Variants in PCDHGA4 observed in about 807,000 individuals in gnomAD.
PCDHGA4 encodes protocadherin gamma subfamily A, 4.
In PCDHGA4, 38 loss-of-function variants were observed where a neutral mutation model predicts 54.6. That is an observed-to-expected ratio of 0.70 (90% CI 0.54 to 0.91). PCDHGA4 has a LOEUF of 0.91. Ranked by LOEUF, PCDHGA4 falls within the 40% of genes least tolerant of loss-of-function variation. The pLI, the probability that PCDHGA4 is intolerant of heterozygous loss-of-function variation, is 0.00. For missense variants in PCDHGA4, 1,298 were observed against 1,220.9 expected (o/e 1.06, Z -0.94); for synonymous variants, 511 against 512.9 (o/e 1.00, Z 0.05).
At chr5:141,376,472 T>C (rs1561574117) in intron 1 of PCDHGA4, 1 of 1,614,108 alleles carries the variant, frequency 6.2e-7, no homozygotes, top group Non-Finnish European at 8.5e-7. Context: ...AACTCAGGAT[T>C]TACTTGAAAC....
chr5:141,394,996 C>T (rs1331251272), intron 1 of PCDHGA4: 1 of 1,613,916 alleles, frequency 6.2e-7, no homozygotes, highest in African/African-American at 1.3e-5. Flanking sequence ...CTCCAGGATT[C>T]CGGTGGCAGA....
At chr5:141,371,572 A>T in intron 1 of PCDHGA4, 1 of 1,613,960 alleles carries the variant, frequency 6.2e-7, no homozygotes, top group Non-Finnish European at 8.5e-7. Context: ...TTCCCCTTTA[A>T]AATCGTTCAA....
At chr5:141,446,132 TA>T (rs1252851903) in intron 1 of PCDHGA4, among the ~76,000 whole-genome samples, 1 of 152,204 alleles carries the variant, frequency 6.6e-6, no homozygotes, top group African/African-American at 2.4e-5. Context: ...CAATAAGACT[TA>T]ATAATGGAAT....
At chr5:141,387,791 A>T in intron 1 of PCDHGA4, 1 of 1,492,120 alleles carries the variant, frequency 6.7e-7, no homozygotes, top group Non-Finnish European at 8.9e-7. Context: ...AACTGCAACT[A>T]AAGTCCGTTC....
intron 1 of PCDHGA4, chr5:141,421,126 T>G: frequency 1.2e-6 from 1 of 805,588 alleles, no homozygotes; most frequent in Non-Finnish European, 1.9e-6. Context: ...CTTCGCTTTC[T>G]GATATATTTT....
chr5:141,421,071 A>G (rs1197006989), intron 1 of PCDHGA4: 1 of 608,760 alleles, frequency 1.6e-6, no homozygotes, highest in East Asian at 2.9e-5. Flanking sequence ...GCGGAATGAG[A>G]TGGATACTCA....
rs1053132512 is a variant in PCDHGA4 at position 141,409,714 on chromosome 5, C to A, written c.2514+52093C>A. The A allele has an allele frequency of 3.7e-6, 6 of 1,613,108 alleles. No individual in the cohort carries two copies. The African/African-American group carries it at 8.0e-5, about 22-fold the overall frequency. On this transcript the variant is annotated intron_variant, in intron 1 of 3. Transcript: ENST00000571252. ...TAGAGCCCCTGGCGGTGTCGTCATACGTGTCAGTGAGCGCGCAGAGCGGGG... is the reference window on the plus strand; with the variant it reads ...TAGAGCCCCTGGCGGTGTCGTCATAAGTGTCAGTGAGCGCGCAGAGCGGGG...
intron 1 of PCDHGA4, chr5:141,389,352 A>G (rs758141313): frequency 7.4e-6 from 12 of 1,613,628 alleles, no homozygotes; most frequent in Admixed American, 1.7e-5. Flanking sequence ...TTACTGCATC[A>G]TGGCCAGTGA....
chr5:141,423,071 C>T, intron 1 of PCDHGA4: 2 of 1,614,120 alleles, frequency 1.2e-6, no homozygotes, highest in South Asian at 1.1e-5. Flanking sequence ...GCCAGCGAGC[C>T]GGGACTCTTC....
At chr5:141,377,587 C>A (rs1272601199) in intron 1 of PCDHGA4, 2 of 147,530 alleles carry the variant, frequency 1.4e-5, no homozygotes, top group African/African-American at 5.1e-5. Flanking sequence ...CAGAATGAGA[C>A]TTTTTCTCTC....
Position 141,431,599 on chromosome 5 carries a change from C to T in PCDHGA4, c.2515-63208C>T. On this transcript the variant is annotated intron_variant, in intron 1 of 3. Transcript: ENST00000571252. The surrounding 1 kb of genome is among the most constrained non-coding windows in gnomAD (Gnocchi z 4.8). ...GAGTCAATGCGGAAGTGAGGTATTC[C>T]TTCCGGTATGTGGACGACAAGGCGG... 1 of 1,614,194 alleles carries T rather than the reference C, an allele frequency of 6.2e-7. No individual in the cohort carries two copies. The highest frequency in any genetic ancestry group is 8.5e-7 in the Non-Finnish European group (1 of 1,180,034).
chr5:141,391,176 T>C (rs562307508), intron 1 of PCDHGA4: 1 of 152,322 alleles, frequency 6.6e-6, no homozygotes, highest in African/African-American at 2.4e-5. Context: ...ACTGCCAATC[T>C]GGTGTGCATA....
At chr5:141,398,121 A>C (rs554777335) in intron 1 of PCDHGA4, 28 of 1,590,306 alleles carry the variant, frequency 1.8e-5, no homozygotes, top group Admixed American at 3.6e-5. Context: ...TGAGGAGAGC[A>C]AGAGGGATGG....
At chr5:141,367,537 A>AAAGT (rs373624904) in intron 1 of PCDHGA4, 2,027 of 147,518 alleles carry the variant, frequency 0.014, 47 homozygotes, top group African/African-American at 0.049. Flanking sequence ...ACTCCGTCTC[A>AAAGT]AAATAAATAA....
intron 1 of PCDHGA4, among the ~76,000 whole-genome samples, chr5:141,459,968 C>T (rs1260233942): frequency 1.3e-5 from 2 of 152,190 alleles, no homozygotes; most frequent in East Asian, 3.8e-4. Context: ...ATCCCAGCTA[C>T]TCAGGAGGCT....
At chr5:141,504,065 G>C (rs1291060280) in intron 2 of PCDHGA4, among the ~76,000 whole-genome samples, 2 of 152,060 alleles carry the variant, frequency 1.3e-5, no homozygotes, top group African/African-American at 2.4e-5. Context: ...AAACTTCTCT[G>C]AGCCAGATGG....
At chr5:141,415,285 G>A (rs1561755891) in intron 1 of PCDHGA4, 3 of 1,614,216 alleles carry the variant, frequency 1.9e-6, no homozygotes, top group Non-Finnish European at 2.5e-6. Context: ...GGTGGCCGCG[G>A]TCTCCTGCGT....
At chr5:141,397,896 C>G (rs371654961) in intron 1 of PCDHGA4, 48 of 650,728 alleles carry the variant, frequency 7.4e-5, no homozygotes, top group African/African-American at 2.0e-4. Flanking sequence ...GGCCAAAGTG[C>G]AGAGCTTGGC....
intron 1 of PCDHGA4, among the ~76,000 whole-genome samples, chr5:141,373,008 C>T (rs1031800528): frequency 6.6e-6 from 1 of 152,074 alleles, no homozygotes; most frequent in Non-Finnish European, 1.5e-5. Flanking sequence ...CATAGAAAGC[C>T]TCCTTTTGAT....
Sources: gnomAD v4.1 joint callset for allele counts (sites outside exome capture counted in the v4.1 genomes callset) on GRCh38, gnomAD v4.1.1 for gene constraint, Gnocchi (gnomAD v3.1) non-coding constraint, MANE v1.5 for transcripts, NCBI Gene and HGNC (gene_info 2026-07-23, HGNC 2026-07-21) for gene names.